Variants in EPHA6 observed in about 807,000 individuals in gnomAD.
The protein encoded by EPHA6 is ephrin type-A receptor 6.
Under a neutral mutation model 112.0 loss-of-function variants are expected in EPHA6, and 50 were observed. That is an observed-to-expected ratio of 0.45 (90% confidence interval 0.36 to 0.56). The LOEUF (loss-of-function observed/expected upper bound fraction) is 0.56. Ranked by LOEUF, EPHA6 falls within the 20% of genes least tolerant of loss-of-function variation. The pLI is 0.00. For missense variants in EPHA6, 1,280 were observed against 1,417.4 expected (o/e 0.90, Z 1.56); for synonymous variants, 529 against 490.7 (o/e 1.08, Z -1.03).
chr3:97,245,754 G>A (rs1189548815), intron 5 of EPHA6, among the ~76,000 whole-genome samples: 2 of 151,776 alleles, frequency 1.3e-5, no homozygotes, highest in Non-Finnish European at 2.9e-5. Flanking sequence ...TGGTAGGAGG[G>A]AGGACTGTGA....
chr3:97,609,989 A>G (rs2093706171), intron 12 of EPHA6, among the ~76,000 whole-genome samples: 1 of 151,718 alleles, frequency 6.6e-6, no homozygotes, highest in East Asian at 1.9e-4. Flanking sequence ...ACTTCTTTGA[A>G]ATAAAGCAGT....
intron 14 of EPHA6, among the ~76,000 whole-genome samples, chr3:97,652,330 C>T (rs1040428164): frequency 6.6e-6 from 1 of 151,504 alleles, no homozygotes; most frequent in Admixed American, 6.6e-5. Flanking sequence ...AAAACATTAC[C>T]GGTTATTTAT....
chr3:97,324,429 C>CTT lies in EPHA6; in HGVS notation c.1606+80144_1606+80145dup, dbSNP rs1346950374. ...CTTTTCTTTCTTTCTTTCTTTCTTT[C>CTT]TTTCTTTCTTTCTTTCTTTCTTTCT... On this transcript the variant is annotated intron_variant, in intron 5 of 17. Coordinates refer to ENST00000389672, the MANE Select transcript of EPHA6 (RefSeq NM_001080448.3). Among the ~76,000 whole-genome samples the CTT allele has an allele frequency of 8.9e-4, 129 of 145,468 alleles. 1 individual carries two copies. The highest frequency in any genetic ancestry group is 8.1e-3 in the South Asian group (37 of 4,572).
At chr3:97,733,946 G>A (rs929823826) in intron 15 of EPHA6, among the ~76,000 whole-genome samples, 1 of 151,964 alleles carries the variant, frequency 6.6e-6, no homozygotes, top group African/African-American at 2.4e-5. Context: ...TCTGGGGAGT[G>A]GTCAGAGGAG....
intron 3 of EPHA6, among the ~76,000 whole-genome samples, chr3:97,174,249 A>G (rs2076774662): frequency 6.6e-6 from 1 of 151,892 alleles, no homozygotes; most frequent in Non-Finnish European, 1.5e-5. Flanking sequence ...TTATGGCTGA[A>G]TAGTACTTCA....
In EPHA6 at chr3:97,244,027, G is replaced by C; in HGVS notation, c.1346G>C (p.Ser449Thr). Residue 449 changes from serine to threonine, a missense_variant, in exon 5 of 18, where the codon AGT becomes ACT. Coordinates refer to ENST00000389672, the MANE Select transcript of EPHA6 (RefSeq NM_001080448.3). ...TALILEWSPPSDTGGRKDLTY... is the reference protein window; with the variant it reads ...TALILEWSPPTDTGGRKDLTY... ...CTTATTTTGGAATGGAGCCCACCAA[G>C]TGACACAGGAGGGAGAAAAGATCTC... The C allele has an allele frequency of 6.2e-7, 1 of 1,612,572 alleles. No individual in the cohort carries two copies. Among genetic ancestry groups the C allele is most frequent in the African/African-American group, 1.3e-5 (1 of 74,950 alleles).
chr3:97,044,397 C>T (rs1053108197), intron 3 of EPHA6, among the ~76,000 whole-genome samples: 2 of 152,114 alleles, frequency 1.3e-5, no homozygotes, highest in African/African-American at 4.8e-5. Context: ...GCCTTTAACC[C>T]TCTATGTTGT....
chr3:97,630,468 A>G (rs1221651528), intron 13 of EPHA6, among the ~76,000 whole-genome samples: 1 of 152,066 alleles, frequency 6.6e-6, no homozygotes, highest in African/African-American at 2.4e-5. Context: ...CATTTTAAAA[A>G]GTCATAGTGT....
At chr3:97,061,685 A>G (rs1186266406) in intron 3 of EPHA6, among the ~76,000 whole-genome samples, 1 of 152,208 alleles carries the variant, frequency 6.6e-6, no homozygotes, top group Non-Finnish European at 1.5e-5. Flanking sequence ...GAAAGTGGCT[A>G]TCTCTGAAAG....
At chr3:97,466,448 C>T (rs748969144) in intron 7 of EPHA6, 2 of 1,544,978 alleles carry the variant, frequency 1.3e-6, no homozygotes, top group South Asian at 1.1e-5. Flanking sequence ...CAAAACTGTA[C>T]TGGCTTAATG....
At chr3:97,005,440 T>C (rs559770842) in intron 3 of EPHA6, among the ~76,000 whole-genome samples, 2 of 152,240 alleles carry the variant, frequency 1.3e-5, no homozygotes, top group Non-Finnish European at 2.9e-5. Flanking sequence ...TGTAAAGGAA[T>C]GCTTGTGAGT....
chr3:97,275,513 A>C (rs567739794), intron 5 of EPHA6, among the ~76,000 whole-genome samples: 2 of 152,146 alleles, frequency 1.3e-5, no homozygotes, highest in Admixed American at 1.3e-4. Context: ...TGAGGATAGG[A>C]GAGTATATGG....
intron 5 of EPHA6, among the ~76,000 whole-genome samples, chr3:97,284,607 C>A (rs1294501310): frequency 6.6e-6 from 1 of 152,132 alleles, no homozygotes; most frequent in Non-Finnish European, 1.5e-5. Flanking sequence ...ATTTCATACA[C>A]TAAGAGTACA....
intron 11 of EPHA6, among the ~76,000 whole-genome samples, chr3:97,557,797 G>T (rs1402477193): frequency 6.6e-6 from 1 of 150,984 alleles, no homozygotes; most frequent in Non-Finnish European, 1.5e-5. Context: ...GATAGCTTGT[G>T]CATATGTTTT....
At chr3:97,367,384 A>C (rs2084795618) in intron 5 of EPHA6, among the ~76,000 whole-genome samples, 1 of 152,114 alleles carries the variant, frequency 6.6e-6, no homozygotes. Context: ...GCAAGGTCCC[A>C]GTATCAATTT....
rs184126406 is a variant in EPHA6, at chr3:97,425,060, C to G, written c.1731+19786C>G. The stretch of plus-strand genomic sequence containing the variant: ...CCCATGGCCTTAGGCTGCCCTACCC[C>G]TGTGGCTTTGCAGGGTACAGCCCCC... On this transcript the variant is annotated intron_variant, in intron 6 of 17. Coordinates refer to ENST00000389672, the MANE Select transcript of EPHA6 (RefSeq NM_001080448.3). Among the ~76,000 whole-genome samples the G allele has an allele frequency of 7.5e-3, 1,137 of 152,322 alleles. 17 individuals are homozygous for G. The highest frequency in any genetic ancestry group is 0.025 in the African/African-American group (1,029 of 41,566).
intron 11 of EPHA6, among the ~76,000 whole-genome samples, chr3:97,567,604 G>A (rs577484331): frequency 4.1e-4 from 62 of 152,190 alleles, no homozygotes; most frequent in East Asian, 7.7e-4. Context: ...TATAACTGGC[G>A]TACAAATAAG....
chr3:97,710,423 T>A (rs2033906569), intron 14 of EPHA6, among the ~76,000 whole-genome samples: 1 of 152,212 alleles, frequency 6.6e-6, no homozygotes, highest in Non-Finnish European at 1.5e-5. Context: ...TGCTCAGATA[T>A]GTTCCAAGCA....
intron 6 of EPHA6, among the ~76,000 whole-genome samples, chr3:97,415,301 A>G (rs1200719365): frequency 6.6e-6 from 1 of 152,060 alleles, no homozygotes; most frequent in Non-Finnish European, 1.5e-5. Flanking sequence ...TATTCTCAAC[A>G]TTAGTGGATG....
Sources: gnomAD v4.1 joint callset for allele counts (sites outside exome capture counted in the v4.1 genomes callset) on GRCh38, gnomAD v4.1.1 for gene constraint, MANE v1.5 for transcripts, NCBI Gene and HGNC (gene_info 2026-07-23, HGNC 2026-07-21) for gene names.